NRG3: variants seen among roughly 807,000 people sequenced by gnomAD.
NRG3 encodes neuregulin 3.
A neutral mutation model predicts 66.9 loss-of-function variants in NRG3; 31 were observed. The observed-to-expected ratio is 0.46, with a 90% confidence interval of 0.35 to 0.63. The LOEUF is 0.63. Among genes scored for constraint, NRG3 ranks in the 20% least tolerant of loss-of-function variants. NRG3 has a pLI of 0.00. For missense variants in NRG3, 910 were observed against 878.9 expected (o/e 1.04, Z -0.45); for synonymous variants, 393 against 359.4 (o/e 1.09, Z -1.06).
chr10:82,815,708 G>A (rs559728067), intron 3 of NRG3, among the ~76,000 whole-genome samples: 1 of 152,274 alleles, frequency 6.6e-6, no homozygotes, highest in African/African-American at 2.4e-5. Flanking sequence ...GTCCGGTTGT[G>A]CCTTCTGCCT....
chr10:82,416,484 A>G (rs1375015743), intron 2 of NRG3, among the ~76,000 whole-genome samples: 1 of 152,154 alleles, frequency 6.6e-6, no homozygotes, highest in Non-Finnish European at 1.5e-5. Flanking sequence ...ATAGAATGAA[A>G]AGAGAGGAGG....
intron 1 of NRG3, among the ~76,000 whole-genome samples, chr10:82,013,743 C>T (rs893817069): frequency 2.0e-5 from 3 of 152,014 alleles, no homozygotes; most frequent in Non-Finnish European, 4.4e-5. Flanking sequence ...TTTTCTCACT[C>T]TGCTATACTA....
At chr10:82,613,694 A>G (rs1379308328) in intron 2 of NRG3, among the ~76,000 whole-genome samples, 1 of 151,700 alleles carries the variant, frequency 6.6e-6, no homozygotes, top group African/African-American at 2.4e-5. Context: ...ATTTTATTTT[A>G]TTATTAATAT....
chr10:81,937,401 G>T (rs994379334), intron 1 of NRG3, among the ~76,000 whole-genome samples: 2 of 151,922 alleles, frequency 1.3e-5, no homozygotes, highest in Non-Finnish European at 2.9e-5. Flanking sequence ...GTGCACAAGG[G>T]TTCCAATTTC....
intron 1 of NRG3, among the ~76,000 whole-genome samples, chr10:82,252,585 G>T (rs1433846993): frequency 6.6e-6 from 1 of 152,090 alleles, no homozygotes; most frequent in African/African-American, 2.4e-5. Flanking sequence ...GTACAGTATT[G>T]CTCCTAATGA....
rs117197958 is a variant in NRG3 at position 81,888,882 on chromosome 10, G to A, written c.823+12719G>A. Among the ~76,000 whole-genome samples the A allele has an allele frequency of 1.2e-3, 178 of 152,218 alleles. 3 individuals carry two copies. The East Asian group carries it at 0.03, about 26-fold the overall frequency. ...TGACTTGGAGAGAGGAATGAGCAGC[G>A]AATTTTAAAGATTCTCTAAGGCTAA... On this transcript the variant is annotated intron_variant, in intron 1 of 8. Coordinates refer to ENST00000372141, the MANE Select transcript of NRG3 (RefSeq NM_001010848.4).
At chr10:82,645,991 G>T (rs1352407870) in intron 2 of NRG3, among the ~76,000 whole-genome samples, 1 of 152,092 alleles carries the variant, frequency 6.6e-6, no homozygotes, top group African/African-American at 2.4e-5. Context: ...AGGGATTAAC[G>T]TCAGCAGTTT....
chr10:82,482,506 T>C (rs4933837), intron 2 of NRG3, among the ~76,000 whole-genome samples: 99,700 of 151,968 alleles, frequency 0.66, 33,919 homozygotes, highest in South Asian at 0.79. Flanking sequence ...AACCTTGGAG[T>C]ACGGGGACTT....
intron 2 of NRG3, among the ~76,000 whole-genome samples, chr10:82,476,154 A>C (rs111247586): frequency 1.4e-3 from 220 of 152,328 alleles, no homozygotes; most frequent in African/African-American, 5.1e-3. Context: ...CACAGTCATG[A>C]GGATGGCTAA....
intron 2 of NRG3, among the ~76,000 whole-genome samples, chr10:82,703,491 C>A (rs146723031): frequency 5.9e-5 from 9 of 152,228 alleles, no homozygotes; most frequent in African/African-American, 2.2e-4. Context: ...GCAGGAATAA[C>A]ATGTCAGCAC....
Position 81,942,030 on chromosome 10 carries a change from C to T in NRG3, c.823+65867C>T, listed in dbSNP as rs189197700. The stretch of plus-strand genomic sequence containing the variant: ...TTTAGATCTTCTCATCCTTTTCCTT[C>T]CCACCACCTCTTTGTAGGCCTAAAA... On this transcript the variant is annotated intron_variant, in intron 1 of 8. Transcript: ENST00000372141. Among the ~76,000 whole-genome samples, 578 of 152,236 alleles carry T rather than the reference C, an allele frequency of 3.8e-3. 6 individuals are homozygous for T. The highest frequency in any genetic ancestry group is 0.013 in the African/African-American group (556 of 41,548).
At chr10:82,539,664 C>T (rs954389092) in intron 2 of NRG3, among the ~76,000 whole-genome samples, 10 of 151,818 alleles carry the variant, frequency 6.6e-5, no homozygotes, top group African/African-American at 1.9e-4. Flanking sequence ...AATGGAGTCT[C>T]GCTTTGTCCC....
chr10:82,079,920 T>C, intron 1 of NRG3, among the ~76,000 whole-genome samples: 1 of 152,196 alleles, frequency 6.6e-6, no homozygotes, highest in Non-Finnish European at 1.5e-5. Flanking sequence ...TAAAGATTTA[T>C]TTGGTTATGA....
chr10:82,520,858 C>T (rs1280703754), intron 2 of NRG3, among the ~76,000 whole-genome samples: 1 of 152,122 alleles, frequency 6.6e-6, no homozygotes. Context: ...GTATAAACTC[C>T]GAAATTGTTT....
chr10:82,979,154 G>C, intron 8 of NRG3, 34 bp downstream of exon 8: 1 of 1,605,176 alleles, frequency 6.2e-7, no homozygotes, highest in East Asian at 2.2e-5. Context: ...ATTTAGGGAG[G>C]GTGTCTTTAA....
chr10:82,452,530 G>A (rs1202641342), intron 2 of NRG3, among the ~76,000 whole-genome samples: 1 of 152,158 alleles, frequency 6.6e-6, no homozygotes, highest in Admixed American at 6.5e-5. Flanking sequence ...TAATATCCAT[G>A]TGAGAATCGT....
intron 1 of NRG3, among the ~76,000 whole-genome samples, chr10:82,103,766 G>A (rs541428657): frequency 9.3e-4 from 142 of 152,156 alleles, no homozygotes; most frequent in African/African-American, 3.3e-3. Context: ...CCAGAGAGAT[G>A]GGTTTTTTCC....
chr10:82,127,506 T>C (rs2068526012), intron 1 of NRG3, among the ~76,000 whole-genome samples: 1 of 152,054 alleles, frequency 6.6e-6, no homozygotes, highest in Non-Finnish European at 1.5e-5. Context: ...CTCTTATCCA[T>C]ACCCTCCTGA....
intron 2 of NRG3, among the ~76,000 whole-genome samples, chr10:82,556,327 G>C (rs1312864517): frequency 1.3e-5 from 2 of 152,054 alleles, no homozygotes; most frequent in Non-Finnish European, 2.9e-5. Flanking sequence ...ACATGGTGAA[G>C]ATGTTTCTGG....
Sources: gnomAD v4.1 joint callset for allele counts (sites outside exome capture counted in the v4.1 genomes callset) on GRCh38, gnomAD v4.1.1 for gene constraint, MANE v1.5 for transcripts, NCBI Gene and HGNC (gene_info 2026-07-23, HGNC 2026-07-21) for gene names.